PLCB4: variants seen among roughly 807,000 people sequenced by gnomAD.
PLCB4 encodes the protein phospholipase C beta 4.
A neutral mutation model predicts 178.8 loss-of-function variants in PLCB4; 77 were observed. That is an observed-to-expected ratio of 0.43 (90% CI 0.36 to 0.52). The LOEUF (loss-of-function observed/expected upper bound fraction) is 0.52, where lower values mean the gene tolerates loss of function less well. PLCB4 is among the 20% of genes least tolerant of loss of function. The pLI is 0.00. For synonymous variants in PLCB4, 496 were observed against 490.8 expected (o/e 1.01, Z -0.14); for missense variants, 1,024 against 1,453.4 (o/e 0.70, Z 4.80).
chr20:9,259,161 G>A (rs755230213), intron 3 of PLCB4, among the ~76,000 whole-genome samples: 1 of 152,172 alleles, frequency 6.6e-6, no homozygotes, highest in Non-Finnish European at 1.5e-5. Context: ...GTGAGTGGAT[G>A]TAGTTTATAC....
chr20:9,411,065 A>G lies in PLCB4; in HGVS notation c.2028A>G (p.Lys676=). 1 of 1,611,346 alleles carries G rather than the reference A, an allele frequency of 6.2e-7. No individual in the cohort carries two copies. The highest frequency in any genetic ancestry group is 8.5e-7 in the Non-Finnish European group (1 of 1,177,546). ...TAGCGATGCAATTGAATCAGGGAAA[A>G]TTTGAGTATAATGGATCGTGCGGGT... ...PDLAMQLNQG[K]FEYNGSCGYL... Residue 676 remains lysine (K), a synonymous_variant, in exon 25 of 40, where the codon AAA becomes AAG. Coordinates refer to ENST00000378473, the MANE Select transcript of PLCB4 (RefSeq NM_001377142.1).
At chr20:9,126,805 G>A (rs2092126922) in intron 2 of PLCB4, among the ~76,000 whole-genome samples, 1 of 136,606 alleles carries the variant, frequency 7.3e-6, no homozygotes. Flanking sequence ...TCTGAAAAAA[G>A]TCTAAGAATA....
chr20:9,319,965 G>T (rs777215703), intron 4 of PLCB4, among the ~76,000 whole-genome samples: 5 of 152,096 alleles, frequency 3.3e-5, no homozygotes, highest in Non-Finnish European at 7.4e-5. Context: ...CTTGACAAAT[G>T]GTATAAATGA....
rs533831105 is a variant in PLCB4 at position 9,344,141 on chromosome 20, C to G, written c.369+5104C>G. Among the ~76,000 whole-genome samples, 12 of 152,296 alleles carry G rather than the reference C, an allele frequency of 7.9e-5. No individual in the cohort carries two copies. The South Asian group carries it at 2.5e-3, about 32-fold the overall frequency. On this transcript the variant is annotated intron_variant, in intron 7 of 39. Coordinates refer to ENST00000378473, the MANE Select transcript of PLCB4 (RefSeq NM_001377142.1). ...GCTAGATATCATCCCCACCTCCCTT[C>G]CCCTTTCTACCTTAATCTCTCTCTT...
intron 4 of PLCB4, among the ~76,000 whole-genome samples, chr20:9,309,071 A>C (rs936464647): frequency 6.6e-6 from 1 of 152,142 alleles, no homozygotes; most frequent in East Asian, 1.9e-4. Context: ...AATATAAAGC[A>C]GATCCCATTT....
At chr20:9,238,279 A>C (rs139338182) in intron 3 of PLCB4, among the ~76,000 whole-genome samples, 1 of 152,162 alleles carries the variant, frequency 6.6e-6, no homozygotes, top group African/African-American at 2.4e-5. Flanking sequence ...ATACAAGCAA[A>C]CATCTCATGG....
chr20:9,415,106 AT>A (rs2040152711), intron 25 of PLCB4, among the ~76,000 whole-genome samples: 1 of 152,252 alleles, frequency 6.6e-6, no homozygotes, highest in Non-Finnish European at 1.5e-5. Context: ...ATATAGTGTA[AT>A]AAAAGTTAGG....
At chr20:9,090,223 T>TTGTG (rs1205735706) in intron 1 of PLCB4, among the ~76,000 whole-genome samples, 13 of 45,786 alleles carry the variant, frequency 2.8e-4, no homozygotes, top group African/African-American at 7.9e-4. Flanking sequence ...AGAATACTAT[T>TTGTG]TATGTGTGTG....
chr20:9,266,183 A>C (rs1400241338), intron 3 of PLCB4, among the ~76,000 whole-genome samples: 2 of 152,186 alleles, frequency 1.3e-5, no homozygotes, highest in Non-Finnish European at 2.9e-5. Context: ...TGATGGGTCA[A>C]CATTGCTATC....
intron 25 of PLCB4, among the ~76,000 whole-genome samples, chr20:9,419,533 A>T (rs897116517): frequency 2.6e-5 from 4 of 152,186 alleles, no homozygotes; most frequent in Admixed American, 6.5e-5. Context: ...ATTTTATTTT[A>T]TACATATAAA....
intron 2 of PLCB4, among the ~76,000 whole-genome samples, chr20:9,181,060 C>A (rs1421688100): frequency 6.6e-6 from 1 of 152,128 alleles, no homozygotes; most frequent in South Asian, 2.1e-4. Flanking sequence ...GAAACTATGA[C>A]CTTAACCAAG....
intron 2 of PLCB4, among the ~76,000 whole-genome samples, chr20:9,135,134 C>T (rs1277163859): frequency 6.6e-6 from 1 of 151,968 alleles, no homozygotes; most frequent in East Asian, 1.9e-4. Flanking sequence ...TGCAACCCTC[C>T]CAACTTCTGC....
intron 3 of PLCB4, among the ~76,000 whole-genome samples, chr20:9,270,602 C>T (rs2094393631): frequency 6.6e-6 from 1 of 152,040 alleles, no homozygotes; most frequent in African/African-American, 2.4e-5. Flanking sequence ...TCAAACTCTC[C>T]ATATATTTTT....
chr20:9,282,451 A>G (rs1022889989), intron 3 of PLCB4, among the ~76,000 whole-genome samples: 1 of 151,868 alleles, frequency 6.6e-6, no homozygotes, highest in South Asian at 2.1e-4. Flanking sequence ...TTATACCCCC[A>G]TACTCACACC....
At chr20:9,204,191 G>C (rs1167280916) in intron 2 of PLCB4, among the ~76,000 whole-genome samples, 1 of 151,816 alleles carries the variant, frequency 6.6e-6, no homozygotes, top group African/African-American at 2.4e-5. Context: ...TTGAGTCGTT[G>C]AGCCCAGTTT....
intron 1 of PLCB4, among the ~76,000 whole-genome samples, chr20:9,094,410 G>A (rs193298653): frequency 5.7e-4 from 86 of 152,008 alleles, no homozygotes; most frequent in Non-Finnish European, 4.4e-5. Flanking sequence ...TTTGCCTAAA[G>A]TATTTCTTTT....
intron 9 of PLCB4, among the ~76,000 whole-genome samples, chr20:9,370,012 TTG>T (rs2036110222): frequency 6.6e-6 from 1 of 152,212 alleles, no homozygotes; most frequent in Non-Finnish European, 1.5e-5. Context: ...CAGGGAGCGA[TTG>T]AAGGCTCCTT....
At chr20:9,165,267 G>T (rs1008133672) in intron 2 of PLCB4, among the ~76,000 whole-genome samples, 1 of 152,198 alleles carries the variant, frequency 6.6e-6, no homozygotes, top group Non-Finnish European at 1.5e-5. Context: ...CTAAATACCT[G>T]TAGGGTGTGC....
At chr20:9,118,403 A>G (rs2091854459) in intron 2 of PLCB4, among the ~76,000 whole-genome samples, 1 of 152,028 alleles carries the variant, frequency 6.6e-6, no homozygotes, top group Non-Finnish European at 1.5e-5. Context: ...ACGGAAATAA[A>G]AATAACTTTA....
Sources: gnomAD v4.1 joint callset for allele counts (sites outside exome capture counted in the v4.1 genomes callset) on GRCh38, gnomAD v4.1.1 for gene constraint, MANE v1.5 for transcripts, NCBI Gene and HGNC (gene_info 2026-07-23, HGNC 2026-07-21) for gene names.